GDPD5: variants seen among roughly 807,000 people sequenced by gnomAD.
GDPD5 encodes glycerophosphodiester phosphodiesterase 2.
Under a neutral mutation model 75.1 loss-of-function variants are expected in GDPD5, and 48 were observed. That is an observed-to-expected ratio of 0.64 (90% CI 0.51 to 0.81). The LOEUF is 0.81. Ranked by LOEUF, GDPD5 falls within the 40% of genes least tolerant of loss-of-function variation. GDPD5 has a pLI of 0.00. For synonymous variants in GDPD5, 336 were observed against 339.0 expected (o/e 0.99, Z 0.10); for missense variants, 706 against 822.6 (o/e 0.86, Z 1.73).
At chr11:75,516,079 C>T (rs904084166) in intron 1 of GDPD5, 8 of 152,244 alleles carry the variant, frequency 5.3e-5, no homozygotes, top group African/African-American at 1.9e-4. Context: ...TTGTTTGGGG[C>T]CCTGGGAACT....
chr11:75,442,224 A>G (rs1948837678), intron 12 of GDPD5, 139 bp downstream of exon 12: 1 of 652,412 alleles, frequency 1.5e-6, no homozygotes, highest in Non-Finnish European at 2.6e-6. Context: ...TGACCCTGCC[A>G]GGGAAGTGAG....
intron 4 of GDPD5, among the ~76,000 whole-genome samples, chr11:75,458,656 T>C (rs965128435): frequency 7.2e-6 from 1 of 138,024 alleles, no homozygotes; most frequent in African/African-American, 2.6e-5. Context: ...TGGGCGACAG[T>C]GTGAGACTCT....
In GDPD5 at chr11:75,436,969, C is replaced by T. The variant is rs75763080; in HGVS notation, c.1636G>A (p.Val546Ile). 4.6e-4 allele frequency: 737 copies of T among 1,613,590 alleles called. 6 individuals carry two copies. The African/African-American group carries it at 6.9e-3, about 15-fold the overall frequency. Residue 546 changes from valine (V) to isoleucine (I), a missense_variant, in exon 16 of 17, where the codon GTC becomes ATC. Val to Ile is a conservative substitution (Grantham distance 29, BLOSUM62 3). Coordinates refer to ENST00000336898, the MANE Select transcript of GDPD5 (RefSeq NM_030792.8). ...SAAVRRTSRD[V>I]SIMKEKLIFS... is the part of the protein sequence containing the mutation. ...ATAAGCTTCTCCTTCATGATGCTGA[C>T]GTCCCGGCTGGTCCGGCGCACCGCA...
chr11:75,441,807 C>A lies in GDPD5; in HGVS notation c.1168-4G>T, dbSNP rs759342107. 1.2e-6 allele frequency: 2 copies of A among 1,605,222 alleles called. No homozygotes were observed. The highest frequency in any genetic ancestry group is 2.7e-5 in the African/African-American group (2 of 74,874). ...GCCTGCTAGGCAGCCACATGACCTG[C>A]AGGCAGAAGAGAGGCAGCCTCAGAC... On this transcript the variant is annotated splice_region_variant and splice_polypyrimidine_tract_variant and intron_variant, in intron 12 of 16. Transcript: ENST00000336898.
intron 9 of GDPD5, 86 bp downstream of exon 9, chr11:75,448,891 C>T: frequency 7.1e-7 from 1 of 1,414,752 alleles, no homozygotes; most frequent in Non-Finnish European, 9.3e-7. Context: ...ATGGTTGCTA[C>T]CATTACATAT....
intron 1 of GDPD5, among the ~76,000 whole-genome samples, chr11:75,520,044 C>A (rs1053053426): frequency 6.6e-6 from 1 of 152,240 alleles, no homozygotes; most frequent in African/African-American, 2.4e-5. Context: ...TCCCCTGAAC[C>A]TAGCTCGGGA....
intron 1 of GDPD5, among the ~76,000 whole-genome samples, chr11:75,511,642 T>C (rs1371954739): frequency 6.6e-6 from 1 of 152,146 alleles, no homozygotes; most frequent in South Asian, 2.1e-4. Flanking sequence ...TTGAAGGGTG[T>C]CTGTGGCTGC....
chr11:75,524,680 G>A (rs1475014003), intron 1 of GDPD5, among the ~76,000 whole-genome samples: 4 of 152,174 alleles, frequency 2.6e-5, no homozygotes, highest in Non-Finnish European at 5.9e-5. Context: ...TGACACACAA[G>A]GGCCAGGAGC....
intron 3 of GDPD5, among the ~76,000 whole-genome samples, chr11:75,468,181 G>C (rs969096162): frequency 6.6e-6 from 1 of 152,182 alleles, no homozygotes; most frequent in African/African-American, 2.4e-5. Context: ...CCACTACTAG[G>C]GATCCTGAAG....
In GDPD5 at chr11:75,441,186, C is replaced by T. The variant is rs1490482183; in HGVS notation, c.1450G>A (p.Val484Met). 8.7e-6 allele frequency: 14 copies of T among 1,613,914 alleles called. No individual in the cohort carries two copies. Among genetic ancestry groups the T allele is most frequent in the Admixed American group, 1.7e-5 (1 of 60,028 alleles). The change falls in exon 14 of 17, where the codon GTG becomes ATG. Residue 484 changes from valine (V) to methionine (M), a missense_variant. By Grantham distance (21) the Val-to-Met change is conservative. Transcript: ENST00000336898. ...TSDNSHALSQ[V>M]PSPLWIMPPD... is the part of the protein sequence containing the mutation. ...ACCATGATCCAGAGGGGGGAAGGCACCTGGGACAGGGCGTGGGAGTTGTCA... is the reference window on the plus strand; with the variant it reads ...ACCATGATCCAGAGGGGGGAAGGCATCTGGGACAGGGCGTGGGAGTTGTCA...
intron 1 of GDPD5, among the ~76,000 whole-genome samples, chr11:75,493,250 C>CACACAA (rs1300612223): frequency 1.1e-4 from 16 of 151,748 alleles, no homozygotes; most frequent in Non-Finnish European, 1.8e-4. Flanking sequence ...CACACACACA[C>CACACAA]ACACACACAC....
chr11:75,482,717 A>G (rs1222240380), intron 2 of GDPD5, among the ~76,000 whole-genome samples: 1 of 152,096 alleles, frequency 6.6e-6, no homozygotes, highest in Non-Finnish European at 1.5e-5. Flanking sequence ...CACCTGGTGA[A>G]CACCTCCTGA....
At chr11:75,486,599 C>G (rs549804763) in intron 2 of GDPD5, among the ~76,000 whole-genome samples, 1 of 152,268 alleles carries the variant, frequency 6.6e-6, no homozygotes, top group South Asian at 2.1e-4. Flanking sequence ...CCTTCCTCAC[C>G]ACTTCATCCA....
chr11:75,523,143 T>G (rs1257045188), intron 1 of GDPD5, among the ~76,000 whole-genome samples: 1 of 152,246 alleles, frequency 6.6e-6, no homozygotes, highest in Non-Finnish European at 1.5e-5. Flanking sequence ...ACTGCATCTT[T>G]GTAGCTCATT....
At chr11:75,475,017 G>A (rs182656138) in intron 3 of GDPD5, among the ~76,000 whole-genome samples, 164 of 152,286 alleles carry the variant, frequency 1.1e-3, no homozygotes, top group Non-Finnish European at 2.1e-3. Flanking sequence ...TCTGTAAAAT[G>A]GGCACACAAT....
At chr11:75,522,005 T>C (rs1941478110) in intron 1 of GDPD5, among the ~76,000 whole-genome samples, 1 of 151,998 alleles carries the variant, frequency 6.6e-6, no homozygotes, top group African/African-American at 2.4e-5. Context: ...GTGAGTTCTG[T>C]CTAACATTCA....
At chr11:75,519,154 T>C (rs1253717037) in intron 1 of GDPD5, among the ~76,000 whole-genome samples, 3 of 152,040 alleles carry the variant, frequency 2.0e-5, no homozygotes, top group African/African-American at 7.2e-5. Context: ...TGGTGGGAAG[T>C]GAGAGGCCTG....
At chr11:75,449,860 G>A (rs1949092310) in intron 7 of GDPD5, 25 bp downstream of exon 7, 3 of 1,602,408 alleles carry the variant, frequency 1.9e-6, no homozygotes, top group Admixed American at 1.7e-5. Context: ...TGTTGTGAGG[G>A]TCCTGGGGGA....
At position 75,456,805 on chromosome 11, in the gene GDPD5, T is replaced by C. The variant is rs1949294712; in HGVS notation, c.327A>G (p.Leu109=). 1 of 1,614,168 alleles carries C rather than the reference T, an allele frequency of 6.2e-7. No homozygotes were observed. Among genetic ancestry groups the C allele is most frequent in the Non-Finnish European group, 8.5e-7 (1 of 1,179,974 alleles). ...AYIAGLLVLA[L]CHIAVGQQMN... is the part of the protein sequence containing the mutation. ...TCTGCTGCCCCACGGCAATGTGACATAGTGCCAGGACCTGAGGAGGGACCC... is the reference window on the plus strand; with the variant it reads ...TCTGCTGCCCCACGGCAATGTGACACAGTGCCAGGACCTGAGGAGGGACCC... Residue 109 remains leucine, a synonymous_variant, in exon 6 of 17, where the codon CTA becomes CTG. Transcript: ENST00000336898.
Sources: allele counts gnomAD v4.1 joint callset (sites outside exome capture counted in the v4.1 genomes callset), GRCh38; gene constraint gnomAD v4.1.1; transcripts MANE v1.5; gene names NCBI Gene and HGNC (gene_info 2026-07-23, HGNC 2026-07-21).